HMBOX1: variants seen among roughly 807,000 people sequenced by gnomAD.
HMBOX1 encodes homeobox containing 1, also known as homeobox-containing protein 1.
In HMBOX1, 14 loss-of-function variants were observed where a neutral mutation model predicts 54.5. That is an observed-to-expected ratio of 0.26 (90% CI 0.17 to 0.40). HMBOX1 has a LOEUF of 0.40. HMBOX1 is among the 10% of genes least tolerant of loss of function. HMBOX1 has a pLI of 1.00. For synonymous variants in HMBOX1, 160 were observed against 181.0 expected (o/e 0.88, Z 0.93); for missense variants, 332 against 514.4 (o/e 0.65, Z 3.43).
intron 1 of HMBOX1, among the ~76,000 whole-genome samples, chr8:28,922,653 A>G (rs977729070): frequency 2.0e-5 from 3 of 152,164 alleles, no homozygotes; most frequent in African/African-American, 7.2e-5. Context: ...TCAGACCTCT[A>G]GTTAACTCAC....
chr8:28,961,453 A>G (rs916488650), intron 1 of HMBOX1, among the ~76,000 whole-genome samples: 2 of 152,194 alleles, frequency 1.3e-5, no homozygotes, highest in African/African-American at 4.8e-5. Context: ...ATGGAATCAT[A>G]TAATATTTGA....
intron 4 of HMBOX1, among the ~76,000 whole-genome samples, chr8:28,993,887 G>A (rs1328463146): frequency 6.6e-6 from 1 of 152,106 alleles, no homozygotes; most frequent in African/African-American, 2.4e-5. Flanking sequence ...AACAGGGGAA[G>A]GCCAGGCATG....
At chr8:28,991,532 G>C (rs779687029) in intron 4 of HMBOX1, among the ~76,000 whole-genome samples, 5 of 152,284 alleles carry the variant, frequency 3.3e-5, no homozygotes, top group Middle Eastern at 3.4e-3. Context: ...CGATTTTAAA[G>C]TACGAGGCCA....
chr8:28,898,166 G>A (rs1812528509), intron 1 of HMBOX1, among the ~76,000 whole-genome samples: 1 of 152,070 alleles, frequency 6.6e-6, no homozygotes, highest in Admixed American at 6.5e-5. Flanking sequence ...AACAAATAAA[G>A]GTAGATCACC....
chr8:29,039,739 A>G (rs2133286397), intron 6 of HMBOX1, among the ~76,000 whole-genome samples: 1 of 152,238 alleles, frequency 6.6e-6, no homozygotes, highest in Middle Eastern at 3.4e-3. Context: ...GTCAGAGCAC[A>G]TGTGAAAAAG....
intron 1 of HMBOX1, among the ~76,000 whole-genome samples, chr8:28,940,179 G>C: frequency 6.6e-6 from 1 of 151,978 alleles, no homozygotes. Context: ...GGTTAATTTT[G>C]TATTTTTAGT....
chr8:28,970,677 AAG>A lies in HMBOX1; in HGVS notation c.500+160_500+161del. The A allele has an allele frequency of 1.9e-6, 1 of 528,830 alleles. No homozygotes were observed. The highest frequency in any genetic ancestry group is 3.3e-6 in the Non-Finnish European group (1 of 302,242). 32.8% of individuals were successfully genotyped at this position (528,830 alleles called of 1,614,324 possible). ...TCCTCCCACCTTTGGAGATGAAAGA[AAG>A]AAAGTTCAAGCTTTATGTTTTTAAT... is the stretch of plus-strand genomic sequence containing the variant. On this transcript the variant is annotated intron_variant, in intron 3 of 9. Coordinates refer to ENST00000287701, the MANE Select transcript of HMBOX1 (RefSeq NM_001135726.3). This position sits in a 1 kb window ranked among gnomAD's most constrained non-coding sequence, Gnocchi z 4.3.
At chr8:28,979,769 GA>G (rs1168076045) in intron 3 of HMBOX1, among the ~76,000 whole-genome samples, 3 of 152,138 alleles carry the variant, frequency 2.0e-5, no homozygotes, top group Non-Finnish European at 4.4e-5. Flanking sequence ...TATACCATAT[GA>G]CAGCCTTGTT....
chr8:28,965,490 C>T (rs977275636), intron 2 of HMBOX1, among the ~76,000 whole-genome samples: 2 of 152,122 alleles, frequency 1.3e-5, no homozygotes, highest in Non-Finnish European at 2.9e-5. Context: ...TGAATGTGTT[C>T]CAAAGCTATT....
In HMBOX1 at chr8:28,973,803, G is replaced by GTTTTTTTTTT. The variant is rs71222583; in HGVS notation, c.500+3306_500+3315dup. On this transcript the variant is annotated intron_variant, in intron 3 of 9. Transcript: ENST00000287701. ...TAATAATTTCGAGATACATAATGGA[G>GTTTTTTTTTT]TTTTTTTTTTTTTTTTTTTTTTTTT... Among the ~76,000 whole-genome samples, 47 of 72,658 alleles carry GTTTTTTTTTT rather than the reference G, an allele frequency of 6.5e-4. 3 individuals carry two copies. The highest frequency in any genetic ancestry group is 8.7e-4 in the Non-Finnish European group (34 of 38,952). The allele number at this position is 72,658 out of a possible 152,430, so 47.7% of individuals were successfully genotyped here. A position where few individuals can be genotyped will look rare whatever the true frequency, so the allele number is the denominator to read the frequency against.
intron 4 of HMBOX1, among the ~76,000 whole-genome samples, chr8:28,998,450 A>T (rs1298893448): frequency 1.3e-5 from 2 of 152,016 alleles, no homozygotes; most frequent in East Asian, 3.8e-4. Flanking sequence ...GTCTTACATT[A>T]ATATTTAACT....
chr8:28,890,735 TCTTCA>T (rs1353483494), intron 1 of HMBOX1, 57 bp downstream of exon 1: 1 of 152,684 alleles, frequency 6.5e-6, no homozygotes, highest in African/African-American at 2.4e-5. Context: ...CACTTCTTTC[TCTTCA>T]CTTAAAACAA....
At chr8:28,914,421 G>A (rs1268547751) in intron 1 of HMBOX1, among the ~76,000 whole-genome samples, 3 of 152,152 alleles carry the variant, frequency 2.0e-5, no homozygotes, top group East Asian at 3.8e-4. Context: ...AATGGCCAGT[G>A]GGAAATTTAA....
intron 1 of HMBOX1, chr8:28,915,962 T>C (rs1162781576): frequency 6.6e-6 from 1 of 152,198 alleles, no homozygotes; most frequent in Admixed American, 6.5e-5. Flanking sequence ...TTTTACGTTC[T>C]TAAGTCTTCA....
At chr8:28,920,894 A>G (rs1212549058) in intron 1 of HMBOX1, among the ~76,000 whole-genome samples, 4 of 152,256 alleles carry the variant, frequency 2.6e-5, no homozygotes, top group African/African-American at 9.6e-5. Flanking sequence ...GACTTAAAGA[A>G]TAACATACTC....
At chr8:28,921,981 G>A (rs1055954355) in intron 1 of HMBOX1, among the ~76,000 whole-genome samples, 2 of 152,140 alleles carry the variant, frequency 1.3e-5, no homozygotes, top group African/African-American at 4.8e-5. Context: ...TATTAGAAAA[G>A]GGAGACAATT....
At chr8:29,034,648 G>T (rs983085836) in intron 6 of HMBOX1, among the ~76,000 whole-genome samples, 1 of 152,218 alleles carries the variant, frequency 6.6e-6, no homozygotes, top group African/African-American at 2.4e-5. Flanking sequence ...CGGAGGTCAG[G>T]AGTTCAAGAC....
intron 2 of HMBOX1, among the ~76,000 whole-genome samples, chr8:28,965,254 C>T (rs1234143896): frequency 2.0e-4 from 30 of 152,220 alleles, no homozygotes; most frequent in Admixed American, 2.0e-3. Flanking sequence ...TTTTCTCATT[C>T]CACACCTAAC....
At chr8:28,989,492 C>G (rs947565244) in intron 4 of HMBOX1, among the ~76,000 whole-genome samples, 3 of 151,950 alleles carry the variant, frequency 2.0e-5, no homozygotes, top group African/African-American at 7.3e-5. Flanking sequence ...CGTTTGATTA[C>G]TTTGTTATCT....
Sources: gnomAD v4.1 joint callset for allele counts (sites outside exome capture counted in the v4.1 genomes callset) on GRCh38, gnomAD v4.1.1 for gene constraint, Gnocchi (gnomAD v3.1) non-coding constraint, MANE v1.5 for transcripts, NCBI Gene and HGNC (gene_info 2026-07-23, HGNC 2026-07-21) for gene names.